Variants in ENOX1 observed in about 807,000 individuals in gnomAD.
The protein encoded by ENOX1 is candidate growth-related and time keeping constitutive hydroquinone (NADH) oxidase.
ENOX1 carries 42 observed loss-of-function variants against 82.5 expected under a neutral mutation model. That is an observed-to-expected ratio of 0.51 (90% CI 0.40 to 0.66). The LOEUF (loss-of-function observed/expected upper bound fraction) is 0.66, where lower values mean the gene tolerates loss of function less well. Ranked by LOEUF, ENOX1 falls within the 30% of genes least tolerant of loss-of-function variation. The pLI is 0.00. For synonymous variants in ENOX1, 271 were observed against 282.2 expected, an observed-to-expected ratio of 0.96 and a Z score of 0.40; for missense variants, 608 against 811.6, an observed-to-expected ratio of 0.75 and a Z score of 3.05.
chr13:43,369,699 GA>G (rs1318931265), intron 5 of ENOX1, among the ~76,000 whole-genome samples: 3 of 152,202 alleles, frequency 2.0e-5, no homozygotes, highest in African/African-American at 7.2e-5. Flanking sequence ...CTCCTGTCTT[GA>G]ATTTCTCCTC....
chr13:43,544,334 G>A (rs1374041611), intron 2 of ENOX1: 2 of 152,224 alleles, frequency 1.3e-5, no homozygotes, highest in African/African-American at 4.8e-5. Context: ...GTTGTAAGGA[G>A]TGGAGATGAT....
At chr13:43,289,945 C>T (rs948062584) in intron 12 of ENOX1, among the ~76,000 whole-genome samples, 1 of 148,496 alleles carries the variant, frequency 6.7e-6, no homozygotes, top group Non-Finnish European at 1.5e-5. Context: ...AAAGAAGACA[C>T]ACAAATGGTC....
chr13:43,321,138 A>T (rs1463176015), intron 11 of ENOX1: 1 of 456,258 alleles, frequency 2.2e-6, no homozygotes, highest in Admixed American at 2.3e-5. Context: ...GGTGAAAGGG[A>T]AAGTTTCTAA....
chr13:43,408,104 C>T (rs1468948002), intron 5 of ENOX1, among the ~76,000 whole-genome samples: 1 of 152,050 alleles, frequency 6.6e-6, no homozygotes, highest in African/African-American at 2.4e-5. Flanking sequence ...AAGGTGGGAG[C>T]AGAATCACGG....
At chr13:43,461,945 T>C (rs936894109) in intron 3 of ENOX1, among the ~76,000 whole-genome samples, 3 of 152,174 alleles carry the variant, frequency 2.0e-5, no homozygotes, top group Non-Finnish European at 2.9e-5. Context: ...AATGAAACAA[T>C]TGGTTCTGGA....
rs555905802 is a variant in ENOX1, at chr13:43,646,615, C to A, written c.-219+20864G>T. On this transcript the variant is annotated intron_variant, in intron 2 of 16. Transcript: ENST00000690772. ...CCAAAGACAAGCTATCCTTCTCATG[C>A]GCTGATTGATTACATGCTGTCACAG... 2.0e-5 allele frequency among the ~76,000 whole-genome samples: 3 copies of A among 152,280 alleles called. No individual in the cohort carries two copies. In the South Asian group the frequency reaches 6.2e-4, roughly 32 times the overall value.
chr13:43,554,124 G>A (rs1318521816), intron 2 of ENOX1, among the ~76,000 whole-genome samples: 2 of 152,152 alleles, frequency 1.3e-5, no homozygotes, highest in African/African-American at 4.8e-5. Flanking sequence ...GTGGATCCTA[G>A]ATAAGGAGAC....
chr13:43,686,889 C>T (rs565770732), intron 1 of ENOX1, among the ~76,000 whole-genome samples: 1 of 152,244 alleles, frequency 6.6e-6, no homozygotes, highest in Non-Finnish European at 1.5e-5. Context: ...ATACTCTCTC[C>T]ATCACAGCCC....
chr13:43,339,484 A>G (rs1477408713), intron 9 of ENOX1, among the ~76,000 whole-genome samples: 1 of 152,214 alleles, frequency 6.6e-6, no homozygotes, highest in Admixed American at 6.5e-5. Context: ...GAATTCTGCA[A>G]TGTACCTGAT....
intron 2 of ENOX1, among the ~76,000 whole-genome samples, chr13:43,523,550 C>T (rs1396721267): frequency 6.6e-6 from 1 of 152,084 alleles, no homozygotes; most frequent in East Asian, 1.9e-4. Context: ...ACTTTTTAAC[C>T]ACCCCATTAG....
intron 2 of ENOX1, among the ~76,000 whole-genome samples, chr13:43,506,839 G>C (rs1433787328): frequency 1.3e-5 from 2 of 150,970 alleles, no homozygotes; most frequent in Non-Finnish European, 3.0e-5. Context: ...AATGTTGTGG[G>C]GTGGGGGGAC....
In ENOX1 at chr13:43,285,229, C is replaced by T. The variant is rs563960181; in HGVS notation, c.1446+13117G>A. Among the ~76,000 whole-genome samples the T allele has an allele frequency of 4.9e-4, 75 of 152,268 alleles. No homozygotes were observed. The Middle Eastern group carries it at 0.014, about 28-fold the overall frequency. ...CCAATTCCACACTTTGGTTACAATT[C>T]CAGACACTTTAACTGACTAAGTTTG... is the stretch of plus-strand genomic sequence containing the variant. On this transcript the variant is annotated intron_variant, in intron 12 of 16. Transcript: ENST00000690772.
chr13:43,460,593 C>T (rs1489211363), intron 3 of ENOX1, among the ~76,000 whole-genome samples: 1 of 151,856 alleles, frequency 6.6e-6, no homozygotes, highest in Non-Finnish European at 1.5e-5. Flanking sequence ...AGGAGATCGA[C>T]ACCATCCCGG....
At position 43,355,996 on chromosome 13, in the gene ENOX1, C is replaced by T. The variant is rs148828285; in HGVS notation, c.746G>A (p.Arg249Gln). 1.8e-4 allele frequency: 287 copies of T among 1,613,838 alleles called. No homozygotes were observed. Among genetic ancestry groups the T allele is most frequent in the Non-Finnish European group, 2.1e-4 (247 of 1,180,042 alleles). Reference sequence around the variant, plus strand: ...GGCAGGCGGGGATGGGGGCCTGAGCCGGTCCTCCTCCAGCTTGCGCCGGTG... The same window carrying T: ...GGCAGGCGGGGATGGGGGCCTGAGCTGGTCCTCCTCCAGCTTGCGCCGGTG... Reference protein sequence around the residue: ...ERHRRKLEEDRLRPPSPPAIM... With the variant: ...ERHRRKLEEDQLRPPSPPAIM... Residue 249 changes from arginine (R) to glutamine (Q), a missense_variant, in exon 8 of 17, where the codon CGG becomes CAG. By Grantham distance (43) the Arg-to-Gln change is conservative. Coordinates refer to ENST00000690772, the MANE Select transcript of ENOX1 (RefSeq NM_001347969.2).
chr13:43,481,015 A>G (rs942980795), intron 3 of ENOX1, among the ~76,000 whole-genome samples: 2 of 152,222 alleles, frequency 1.3e-5, no homozygotes, highest in South Asian at 4.1e-4. Context: ...CATAAGCCTG[A>G]TACCAAAGTC....
At chr13:43,724,624 A>G (rs1341072207) in intron 1 of ENOX1, among the ~76,000 whole-genome samples, 1 of 152,148 alleles carries the variant, frequency 6.6e-6, no homozygotes, top group East Asian at 1.9e-4. Flanking sequence ...ATTAAACAAA[A>G]ACCAGTCAAG....
intron 2 of ENOX1, among the ~76,000 whole-genome samples, chr13:43,636,869 T>C (rs897436428): frequency 6.6e-6 from 1 of 152,078 alleles, no homozygotes; most frequent in Non-Finnish European, 1.5e-5. Context: ...GAAGAGACGG[T>C]AGGCAGGCAA....
At chr13:43,336,524 T>G (rs1310411110) in intron 9 of ENOX1, among the ~76,000 whole-genome samples, 1 of 152,152 alleles carries the variant, frequency 6.6e-6, no homozygotes, top group Non-Finnish European at 1.5e-5. Flanking sequence ...GCACATAACC[T>G]CAGGGTTGAA....
In ENOX1 at chr13:43,503,153, T is replaced by C. The variant is rs543410769; in HGVS notation, c.-218-19001A>G. Among the ~76,000 whole-genome samples the C allele has an allele frequency of 1.1e-4, 17 of 151,690 alleles. No individual in the cohort carries two copies. In the South Asian group the frequency reaches 3.5e-3, roughly 31 times the overall value. On this transcript the variant is annotated intron_variant, in intron 2 of 16. Transcript: ENST00000690772. ...GAACGAAGTACTCAGGAATAATCTT[T>C]ACCAAGGAGGTGAAAGACTTGTACA...
Sources: allele counts gnomAD v4.1 joint callset (sites outside exome capture counted in the v4.1 genomes callset), GRCh38; gene constraint gnomAD v4.1.1; transcripts MANE v1.5; gene names NCBI Gene and HGNC (gene_info 2026-07-23, HGNC 2026-07-21).